The following NEK11 variants were observed in gnomAD, a reference collection of about 807,000 sequenced individuals.
The protein encoded by NEK11 is NIMA related kinase 11, also known as serine/threonine-protein kinase Nek11.
In NEK11, 72 loss-of-function variants were observed where a neutral mutation model predicts 80.7. The observed-to-expected ratio is 0.89, with a 90% CI of 0.74 to 1.08. The LOEUF (loss-of-function observed/expected upper bound fraction) is 1.08. Ranked by LOEUF, NEK11 falls within the 50% of genes least tolerant of loss-of-function variation. The probability of loss-of-function intolerance (pLI) is 0.00; values close to 1 mark genes in which losing one functional copy is unlikely to be tolerated. For missense variants in NEK11, 764 were observed against 763.6 expected (o/e 1.00, Z -0.01); for synonymous variants, 251 against 260.7 (o/e 0.96, Z 0.36).
At chr3:131,325,950 ACT>A (rs1470128196) in intron 17 of NEK11, 1 of 152,214 alleles carries the variant, frequency 6.6e-6, no homozygotes, top group African/African-American at 2.4e-5. Context: ...ATAAGTGCAA[ACT>A]CAGCTATGAG....
intron 17 of NEK11, among the ~76,000 whole-genome samples, chr3:131,336,445 T>TAC (rs1011033887): frequency 6.6e-6 from 1 of 152,186 alleles, no homozygotes; most frequent in African/African-American, 2.4e-5. Flanking sequence ...ATCCCTTCCT[T>TAC]ACACCTTATA....
chr3:131,119,229 G>T (rs896411544), intron 5 of NEK11, among the ~76,000 whole-genome samples: 2 of 152,024 alleles, frequency 1.3e-5, no homozygotes, highest in African/African-American at 2.4e-5. Context: ...TGTTATGTAC[G>T]CAGTAGTCAT....
Position 131,052,522 on chromosome 3 carries a change from A to G in NEK11, c.170+22644A>G, listed in dbSNP as rs111500546. On this transcript the variant is annotated intron_variant, in intron 3 of 17. Transcript: ENST00000383366. Reference sequence around the variant, plus strand: ...GGCAACATTTGAGAAGTTCTGCCATAAACTTGTTATTAAGGCCTAGTGGTA... The same window carrying G: ...GGCAACATTTGAGAAGTTCTGCCATGAACTTGTTATTAAGGCCTAGTGGTA... Among the ~76,000 whole-genome samples, 211 of 152,244 alleles carry G rather than the reference A, an allele frequency of 1.4e-3. 1 individual carries two copies. The highest frequency in any genetic ancestry group is 2.1e-3 in the Non-Finnish European group (142 of 68,006).
At chr3:131,187,613 C>T (rs1293956537) in intron 14 of NEK11, among the ~76,000 whole-genome samples, 1 of 152,164 alleles carries the variant, frequency 6.6e-6, no homozygotes, top group Non-Finnish European at 1.5e-5. Flanking sequence ...TATTGTTGTA[C>T]TGGACCCAGC....
intron 4 of NEK11, among the ~76,000 whole-genome samples, chr3:131,105,503 A>C (rs751032949): frequency 3.3e-5 from 5 of 152,258 alleles, no homozygotes; most frequent in Non-Finnish European, 5.9e-5. Flanking sequence ...TATAAAGGAA[A>C]GAGGTTTAAT....
At chr3:131,175,615 A>C (rs2092960871) in intron 14 of NEK11, among the ~76,000 whole-genome samples, 1 of 152,148 alleles carries the variant, frequency 6.6e-6, no homozygotes, top group Admixed American at 6.5e-5. Context: ...AGTTGACTCT[A>C]AAAGGGCACA....
Position 131,043,226 on chromosome 3 carries a change from C to T in NEK11, c.170+13348C>T, listed in dbSNP as rs139205630. On this transcript the variant is annotated intron_variant, in intron 3 of 17. Coordinates refer to ENST00000383366, the MANE Select transcript of NEK11 (RefSeq NM_024800.5). ...ACTTCTCCAAAGGATCACAACTCCT[C>T]GCCAGCAAGAGAACAAAACTGGATG... Among the ~76,000 whole-genome samples, 377 of 152,282 alleles carry T rather than the reference C, an allele frequency of 2.5e-3. 1 individual carries two copies. Among genetic ancestry groups the T allele is most frequent in the African/African-American group, 3.0e-3 (126 of 41,550 alleles).
At chr3:131,301,449 T>C (rs2096660485) in intron 17 of NEK11, among the ~76,000 whole-genome samples, 1 of 152,134 alleles carries the variant, frequency 6.6e-6, no homozygotes, top group African/African-American at 2.4e-5. Flanking sequence ...CTTGTCTTGT[T>C]CTGTTTCTCA....
intron 7 of NEK11, among the ~76,000 whole-genome samples, chr3:131,146,846 C>T (rs143315630): frequency 5.3e-5 from 8 of 151,984 alleles, no homozygotes; most frequent in African/African-American, 1.9e-4. Context: ...ATTTAGCGTC[C>T]GTTCAAGTCT....
chr3:131,298,241 T>G lies in NEK11; in HGVS notation c.1718+24667T>G, dbSNP rs559175568. ...CTTGATGGGGATGGCATTGAATCTA[T>G]AAATTACCTTGGGCAGTATGGCCAT... On this transcript the variant is annotated intron_variant, in intron 17 of 17. Coordinates refer to ENST00000383366, the MANE Select transcript of NEK11 (RefSeq NM_024800.5). Among the ~76,000 whole-genome samples, 3 of 152,182 alleles carry G rather than the reference T, an allele frequency of 2.0e-5. No homozygotes were observed. The South Asian group carries it at 6.2e-4, about 32-fold the overall frequency.
chr3:131,073,012 A>G (rs2073702679), intron 3 of NEK11, among the ~76,000 whole-genome samples: 2 of 152,168 alleles, frequency 1.3e-5, no homozygotes, highest in African/African-American at 4.8e-5. Flanking sequence ...TGCATGACAC[A>G]GCGGTCAGAC....
chr3:131,209,611 G>T (rs2094548759), intron 14 of NEK11, among the ~76,000 whole-genome samples: 1 of 152,122 alleles, frequency 6.6e-6, no homozygotes, highest in Non-Finnish European at 1.5e-5. Context: ...AATCCATCTG[G>T]TCCTGGACTT....
intron 5 of NEK11, among the ~76,000 whole-genome samples, chr3:131,118,183 A>G (rs760502375): frequency 1.3e-4 from 20 of 152,182 alleles, no homozygotes; most frequent in Non-Finnish European, 1.9e-4. Context: ...TTGGGTATGA[A>G]GGGCTGTTGA....
chr3:131,332,174 C>T (rs1183722109), intron 17 of NEK11, among the ~76,000 whole-genome samples: 2 of 152,230 alleles, frequency 1.3e-5, no homozygotes, highest in African/African-American at 4.8e-5. Flanking sequence ...CAAGTGGGTC[C>T]CAGACCCCTG....
At chr3:131,346,961 A>G (rs2097372441) in intron 17 of NEK11, among the ~76,000 whole-genome samples, 1 of 152,248 alleles carries the variant, frequency 6.6e-6, no homozygotes, top group African/African-American at 2.4e-5. Context: ...GTTAAGAATG[A>G]TGACAAGAGT....
intron 5 of NEK11, among the ~76,000 whole-genome samples, chr3:131,120,069 A>G (rs1334756018): frequency 6.6e-6 from 1 of 152,188 alleles, no homozygotes; most frequent in African/African-American, 2.4e-5. Flanking sequence ...GTTTCTTCCT[A>G]GCATCGATGG....
intron 5 of NEK11, among the ~76,000 whole-genome samples, chr3:131,126,983 G>A (rs1445430043): frequency 2.6e-5 from 1 of 39,044 alleles, no homozygotes; most frequent in South Asian, 6.6e-4. Flanking sequence ...TTTTTTTTTT[G>A]AGACAGAGTC....
chr3:131,165,394 G>C (rs1560738463), intron 11 of NEK11, 32 bp from the exon 12 acceptor site: 1 of 1,356,464 alleles, frequency 7.4e-7, no homozygotes. Flanking sequence ...GCAATTCGCA[G>C]TTATTTTTCT....
In NEK11 at chr3:131,339,042, A is replaced by C. The variant is rs140010646; in HGVS notation, c.1719-10515A>C. Among the ~76,000 whole-genome samples, 478 of 152,220 alleles carry C rather than the reference A, an allele frequency of 3.1e-3. 1 individual carries two copies. Among genetic ancestry groups the C allele is most frequent in the Middle Eastern group, 6.8e-3 (2 of 294 alleles). On this transcript the variant is annotated intron_variant, in intron 17 of 17. Transcript: ENST00000383366. Reference sequence around the variant, plus strand: ...AATAAAAGAGGGAATCCCAAAGATGAAATAAAAACAAAACATTCCTGGGAC... The same window carrying C: ...AATAAAAGAGGGAATCCCAAAGATGCAATAAAAACAAAACATTCCTGGGAC...
Sources: gnomAD v4.1 joint callset for allele counts (sites outside exome capture counted in the v4.1 genomes callset) on GRCh38, gnomAD v4.1.1 for gene constraint, MANE v1.5 for transcripts, NCBI Gene and HGNC (gene_info 2026-07-23, HGNC 2026-07-21) for gene names.